Variants in MYO1E observed in about 807,000 individuals in gnomAD.
MYO1E encodes unconventional myosin-Ie.
Under a neutral mutation model 151.1 loss-of-function variants are expected in MYO1E, and 68 were observed. The ratio of observed to expected loss-of-function variants is 0.45; its 90% confidence interval spans 0.37 to 0.55. MYO1E has a LOEUF of 0.55. Ranked by LOEUF, MYO1E falls within the 20% of genes least tolerant of loss-of-function variation. MYO1E has a pLI of 0.00. For missense variants in MYO1E, 1,363 were observed against 1,389.3 expected, an observed-to-expected ratio of 0.98 and a Z score of 0.30; for synonymous variants, 601 against 501.7, an observed-to-expected ratio of 1.20 and a Z score of -2.64.
chr15:59,287,231 T>C (rs574779063), intron 1 of MYO1E, among the ~76,000 whole-genome samples: 1 of 152,342 alleles, frequency 6.6e-6, no homozygotes, highest in African/African-American at 2.4e-5. Context: ...TGTCTTCTAA[T>C]GGGCCTGCTA....
intron 26 of MYO1E, among the ~76,000 whole-genome samples, chr15:59,145,612 G>A (rs1361647018): frequency 2.0e-5 from 3 of 151,706 alleles, no homozygotes; most frequent in Admixed American, 6.6e-5. Flanking sequence ...GGCTGGTCTC[G>A]AACTCCTGGC....
Position 59,239,221 on chromosome 15 carries a change from TA to T in MYO1E, c.333-2550del, listed in dbSNP as rs1282956101. 5.4e-4 allele frequency among the ~76,000 whole-genome samples: 46 copies of T among 84,952 alleles called. No homozygotes were observed. In the South Asian group the frequency reaches 9.3e-3, roughly 17 times the overall value. The allele number at this position is 84,952 out of a possible 152,430, so 55.7% of individuals were successfully genotyped here. A position where few individuals can be genotyped will look rare whatever the true frequency, so the allele number is the denominator to read the frequency against. On this transcript the variant is annotated intron_variant, in intron 4 of 27. Transcript: ENST00000288235. ...AACTGTGTCAAAAAATATATATATA[TA>T]TATTTTTTTTATTTTTTAAAATTTG...
chr15:59,276,719 G>A (rs2080321436), intron 1 of MYO1E, among the ~76,000 whole-genome samples: 1 of 152,230 alleles, frequency 6.6e-6, no homozygotes. Flanking sequence ...CACACAGGAA[G>A]AACTCGGCCT....
chr15:59,194,263 C>T (rs763692805), intron 17 of MYO1E, among the ~76,000 whole-genome samples: 6 of 152,096 alleles, frequency 3.9e-5, no homozygotes, highest in Non-Finnish European at 8.8e-5. Context: ...CTCTTACATC[C>T]AAGCAGCCTG....
At chr15:59,182,776 G>A (rs1232784108) in intron 18 of MYO1E, among the ~76,000 whole-genome samples, 1 of 152,202 alleles carries the variant, frequency 6.6e-6, no homozygotes, top group East Asian at 1.9e-4. Flanking sequence ...GACAGATCCG[G>A]ATAATCAACA....
intron 1 of MYO1E, among the ~76,000 whole-genome samples, chr15:59,362,320 G>A (rs1288186946): frequency 6.6e-6 from 1 of 152,136 alleles, no homozygotes; most frequent in Non-Finnish European, 1.5e-5. Context: ...TATGCATATT[G>A]ATACCATATT....
intron 5 of MYO1E, among the ~76,000 whole-genome samples, chr15:59,236,350 A>G: frequency 1.4e-4 from 1 of 7,270 alleles, no homozygotes; most frequent in Admixed American, 1.7e-3. Flanking sequence ...TGTCTCAAAA[A>G]AGAAAAAAAA....
rs553498577 is a variant in MYO1E at position 59,284,399 on chromosome 15, T to C, written c.4-11950A>G. Reference sequence around the variant, plus strand: ...GTTCTCCTTCTCTTAACCATGTAAGTAGTCCAGTTAAGAGTAACAGATATT... The same window carrying C: ...GTTCTCCTTCTCTTAACCATGTAAGCAGTCCAGTTAAGAGTAACAGATATT... On this transcript the variant is annotated intron_variant, in intron 1 of 27. Transcript: ENST00000288235. Among the ~76,000 whole-genome samples the C allele has an allele frequency of 4.8e-4, 73 of 152,202 alleles. 1 individual carries two copies. The highest frequency in any genetic ancestry group is 1.0e-3 in the Non-Finnish European group (70 of 68,026).
chr15:59,145,632 T>C (rs2079436823), intron 26 of MYO1E, among the ~76,000 whole-genome samples: 1 of 152,036 alleles, frequency 6.6e-6, no homozygotes, highest in East Asian at 1.9e-4. Flanking sequence ...CCTCAAGTGA[T>C]CCACCCGCCT....
chr15:59,294,328 C>G (rs2080436791), intron 1 of MYO1E, among the ~76,000 whole-genome samples: 1 of 152,158 alleles, frequency 6.6e-6, no homozygotes, highest in African/African-American at 2.4e-5. Context: ...CTCTGAGGTC[C>G]AAAATCAGGA....
At chr15:59,306,643 T>C (rs565920398) in intron 1 of MYO1E, among the ~76,000 whole-genome samples, 87 of 152,380 alleles carry the variant, frequency 5.7e-4, no homozygotes, top group South Asian at 1.4e-3. Context: ...AAAATGCCTT[T>C]ATTTGTGAAA....
intron 1 of MYO1E, among the ~76,000 whole-genome samples, chr15:59,329,461 A>T (rs115008430): frequency 7.9e-4 from 121 of 152,338 alleles, no homozygotes; most frequent in African/African-American, 2.8e-3. Flanking sequence ...TTGGAGGAAA[A>T]TGGACCAACG....
intron 1 of MYO1E, among the ~76,000 whole-genome samples, chr15:59,342,376 T>C (rs1346325541): frequency 6.6e-6 from 1 of 152,256 alleles, no homozygotes; most frequent in Non-Finnish European, 1.5e-5. Flanking sequence ...GGAAGCTTTT[T>C]AACTTGATGT....
At chr15:59,251,606 CAG>C (rs2080165414) in intron 4 of MYO1E, among the ~76,000 whole-genome samples, 1 of 152,104 alleles carries the variant, frequency 6.6e-6, no homozygotes, top group Admixed American at 6.6e-5. Flanking sequence ...TTCAATTTCT[CAG>C]AGATGCATGT....
intron 19 of MYO1E, among the ~76,000 whole-genome samples, chr15:59,176,272 G>T (rs2079624252): frequency 6.6e-6 from 1 of 152,126 alleles, no homozygotes; most frequent in Non-Finnish European, 1.5e-5. Context: ...GTGTTAGCCA[G>T]GATGGTCTTG....
intron 1 of MYO1E, among the ~76,000 whole-genome samples, chr15:59,330,005 C>T: frequency 6.6e-6 from 1 of 152,150 alleles, no homozygotes; most frequent in East Asian, 1.9e-4. Flanking sequence ...AACGCTGATG[C>T]TTTATTTTTT....
chr15:59,352,635 C>G (rs1412905873), intron 1 of MYO1E, among the ~76,000 whole-genome samples: 3 of 152,090 alleles, frequency 2.0e-5, no homozygotes, highest in African/African-American at 7.2e-5. Flanking sequence ...ATCTGTAAAC[C>G]AAGGAAAATA....
intron 25 of MYO1E, among the ~76,000 whole-genome samples, chr15:59,154,410 A>G (rs1398454942): frequency 6.6e-6 from 1 of 152,248 alleles, no homozygotes; most frequent in Non-Finnish European, 1.5e-5. Flanking sequence ...TCTAGTTAAA[A>G]TCGCATTAGC....
At chr15:59,356,454 T>C (rs757913858) in intron 1 of MYO1E, among the ~76,000 whole-genome samples, 13 of 152,180 alleles carry the variant, frequency 8.5e-5, no homozygotes, top group African/African-American at 2.2e-4. Context: ...TTTTTTGGAG[T>C]AGATTTTAAG....
Sources: allele counts gnomAD v4.1 joint callset (sites outside exome capture counted in the v4.1 genomes callset), GRCh38; gene constraint gnomAD v4.1.1; transcripts MANE v1.5; gene names NCBI Gene and HGNC (gene_info 2026-07-23, HGNC 2026-07-21).